STK33: variants seen among roughly 807,000 people sequenced by gnomAD.
The protein encoded by STK33 is serine/threonine-protein kinase 33.
A neutral mutation model predicts 58.0 loss-of-function variants in STK33; 52 were observed. That is an observed-to-expected ratio of 0.90 (90% confidence interval 0.72 to 1.13). The LOEUF (loss-of-function observed/expected upper bound fraction) is 1.13. Ranked by LOEUF, STK33 falls within the 50% of genes most tolerant of loss-of-function variation. STK33 has a pLI of 0.00. For synonymous variants in STK33, 215 were observed against 200.1 expected (o/e 1.07, Z -0.63); for missense variants, 630 against 604.2 (o/e 1.04, Z -0.45).
intron 14 of STK33, among the ~76,000 whole-genome samples, chr11:8,430,179 T>C (rs921268525): frequency 1.3e-5 from 2 of 152,230 alleles, no homozygotes; most frequent in Non-Finnish European, 2.9e-5. Flanking sequence ...TACTCTCCTG[T>C]ATGCCTTCTA....
chr11:8,570,365 T>C (rs1176799511), intron 1 of STK33, among the ~76,000 whole-genome samples: 1 of 152,174 alleles, frequency 6.6e-6, no homozygotes, highest in Non-Finnish European at 1.5e-5. Context: ...AGCTTTTCTA[T>C]AAGGTAAACA....
At chr11:8,355,344 TCTGA>T in the STK33 span, among the ~76,000 whole-genome samples, 1 of 152,248 alleles carries the variant, frequency 6.6e-6, no homozygotes, top group African/African-American at 2.4e-5. Flanking sequence ...ATGTGGCTGG[TCTGA>T]CTGAGGAATC....
intron 1 of STK33, among the ~76,000 whole-genome samples, chr11:8,567,908 T>C (rs1348815246): frequency 6.6e-6 from 1 of 152,192 alleles, no homozygotes; most frequent in African/African-American, 2.4e-5. Context: ...TTCTGAACTT[T>C]TAAAAACAAT....
At chr11:8,357,706 G>A in the STK33 span, among the ~76,000 whole-genome samples, 1 of 152,108 alleles carries the variant, frequency 6.6e-6, no homozygotes, top group African/African-American at 2.4e-5. Flanking sequence ...TGGGGAAGAA[G>A]AGGAGGCCCA....
intron 1 of STK33, among the ~76,000 whole-genome samples, chr11:8,508,558 A>G (rs1952053927): frequency 1.3e-5 from 2 of 152,048 alleles, no homozygotes; most frequent in South Asian, 2.1e-4. Context: ...GGCATGAGCT[A>G]TTGTGCCTGG....
intron 15 of STK33, among the ~76,000 whole-genome samples, chr11:8,410,768 T>G (rs1284540741): frequency 6.6e-6 from 1 of 152,192 alleles, no homozygotes; most frequent in Non-Finnish European, 1.5e-5. Flanking sequence ...CCACCACGCC[T>G]GGCCTGAAAA....
At chr11:8,454,903 A>T in intron 9 of STK33, 71 bp from the exon 10 acceptor site, 1 of 1,366,198 alleles carries the variant, frequency 7.3e-7, no homozygotes, top group East Asian at 2.8e-5. Flanking sequence ...ATATAGATTA[A>T]ATATATTTGA....
At chr11:8,571,882 T>G (rs890830975) in intron 1 of STK33, among the ~76,000 whole-genome samples, 7 of 50,886 alleles carry the variant, frequency 1.4e-4, no homozygotes, top group African/African-American at 4.6e-4. Context: ...TTTACCACAA[T>G]AAAAAAAAAA....
At chr11:8,483,098 TTGTC>T (rs1454157758) in intron 1 of STK33, among the ~76,000 whole-genome samples, 5 of 152,118 alleles carry the variant, frequency 3.3e-5, no homozygotes, top group South Asian at 2.1e-4. Flanking sequence ...TTCTAGTACT[TTGTC>T]TGACACATAT....
At position 8,474,972 on chromosome 11, in the gene STK33, A is replaced by G; in HGVS notation, c.-67T>C. On this transcript the variant is annotated 5_prime_UTR_variant, in exon 5 of 16. Coordinates refer to ENST00000687296, the MANE Select transcript of STK33 (RefSeq NM_001352389.2). Reference sequence around the variant, plus strand: ...ACTGTTTGAGGAAGAAAACCAGGCCAAAAAGGATAAGGTAGTTGATGGTGA... The same window carrying G: ...ACTGTTTGAGGAAGAAAACCAGGCCGAAAAGGATAAGGTAGTTGATGGTGA... The G allele has an allele frequency of 4.9e-6, 7 of 1,429,658 alleles. 1 individual carries two copies. The highest frequency in any genetic ancestry group is 5.7e-6 in the Non-Finnish European group (6 of 1,058,772). 88.6% of individuals were successfully genotyped at this position (1,429,658 alleles called of 1,614,324 possible). A position where few individuals can be genotyped will look rare whatever the true frequency, so the allele number is the denominator to read the frequency against.
At chr11:8,523,876 A>G (rs888828383) in intron 1 of STK33, among the ~76,000 whole-genome samples, 4 of 152,236 alleles carry the variant, frequency 2.6e-5, no homozygotes, top group Middle Eastern at 3.2e-3. Flanking sequence ...GTCGAATAGA[A>G]AAGGGGGAAA....
chr11:8,561,695 A>T (rs1216594323), intron 1 of STK33, among the ~76,000 whole-genome samples: 1 of 152,170 alleles, frequency 6.6e-6, no homozygotes, highest in African/African-American at 2.4e-5. Context: ...TATTATCTAC[A>T]TATCATACAG....
At chr11:8,541,308 C>T (rs1425066587) in intron 1 of STK33, among the ~76,000 whole-genome samples, 4 of 152,062 alleles carry the variant, frequency 2.6e-5, no homozygotes, top group Non-Finnish European at 2.9e-5. Flanking sequence ...TTCTCAGTTT[C>T]GTGATTCAGT....
chr11:8,534,556 C>G (rs1468694532), intron 1 of STK33, among the ~76,000 whole-genome samples: 29 of 130,554 alleles, frequency 2.2e-4, no homozygotes, highest in African/African-American at 8.8e-4. Flanking sequence ...CTCTCTCTCT[C>G]TCTCTCTCTC....
intron 1 of STK33, among the ~76,000 whole-genome samples, chr11:8,494,387 G>C (rs1187923871): frequency 6.6e-6 from 1 of 152,132 alleles, no homozygotes; most frequent in African/African-American, 2.4e-5. Flanking sequence ...CAACTTACAA[G>C]GGATGTGAAG....
the STK33 span, among the ~76,000 whole-genome samples, chr11:8,345,347 A>G: frequency 1.3e-5 from 2 of 152,230 alleles, no homozygotes; most frequent in Non-Finnish European, 2.9e-5. Context: ...TTAGGCAAAC[A>G]GAAGAAAATG....
chr11:8,545,642 C>T (rs1266278325), intron 1 of STK33, among the ~76,000 whole-genome samples: 1 of 152,068 alleles, frequency 6.6e-6, no homozygotes, highest in African/African-American at 2.4e-5. Context: ...GTATTAGGCA[C>T]AGTGAAAGAA....
At chr11:8,486,756 G>C (rs770981703) in intron 1 of STK33, among the ~76,000 whole-genome samples, 18 of 152,200 alleles carry the variant, frequency 1.2e-4, no homozygotes, top group Admixed American at 1.2e-3. Context: ...GAGATGTAAA[G>C]CAGCAAATCA....
At chr11:8,534,558 C>CTGTGTGTGTGTG (rs1418268168) in intron 1 of STK33, among the ~76,000 whole-genome samples, 1 of 130,460 alleles carries the variant, frequency 7.7e-6, no homozygotes, top group African/African-American at 3.2e-5. Flanking sequence ...CTCTCTCTCT[C>CTGTGTGTGTGTG]TCTCTCTCTC....
Sources: gnomAD v4.1 joint callset for allele counts (sites outside exome capture counted in the v4.1 genomes callset) on GRCh38, gnomAD v4.1.1 for gene constraint, MANE v1.5 for transcripts, NCBI Gene and HGNC (gene_info 2026-07-23, HGNC 2026-07-21) for gene names.